The following CCDC91 variants were observed in gnomAD, a reference collection of about 807,000 sequenced individuals.
CCDC91 encodes coiled-coil domain containing 91.
In CCDC91, 48 loss-of-function variants were observed where a neutral mutation model predicts 63.2. The ratio of observed to expected loss-of-function variants is 0.76; its 90% confidence interval spans 0.60 to 0.97. CCDC91 has a LOEUF of 0.97. Ranked by LOEUF, CCDC91 falls within the 50% of genes least tolerant of loss-of-function variation. CCDC91 has a pLI of 0.00. For missense variants in CCDC91, 500 were observed against 494.6 expected (o/e 1.01, Z -0.10); for synonymous variants, 167 against 165.8 (o/e 1.01, Z -0.06).
intron 3 of CCDC91, among the ~76,000 whole-genome samples, chr12:28,288,982 A>C (rs1949062445): frequency 1.3e-5 from 2 of 152,160 alleles, no homozygotes; most frequent in African/African-American, 2.4e-5. Flanking sequence ...AGGTGTTCAT[A>C]ATATTCTCTA....
At chr12:28,409,798 G>A (rs1235296780) in intron 8 of CCDC91, among the ~76,000 whole-genome samples, 1 of 151,540 alleles carries the variant, frequency 6.6e-6, no homozygotes, top group Admixed American at 6.6e-5. Flanking sequence ...TTAACCACTA[G>A]GTTATTTAGA....
chr12:28,289,461 T>G (rs1452909350), intron 3 of CCDC91, among the ~76,000 whole-genome samples: 2 of 152,152 alleles, frequency 1.3e-5, no homozygotes, highest in Admixed American at 6.5e-5. Context: ...CAGGAGCAGG[T>G]TATTCAATTT....
At chr12:28,410,454 T>A (rs1230653019) in intron 8 of CCDC91, among the ~76,000 whole-genome samples, 2 of 152,208 alleles carry the variant, frequency 1.3e-5, no homozygotes, top group African/African-American at 4.8e-5. Flanking sequence ...TATTATTGCA[T>A]CTTGTTTTTT....
intron 3 of CCDC91, among the ~76,000 whole-genome samples, chr12:28,283,637 G>A (rs368807930): frequency 6.6e-5 from 10 of 152,098 alleles, no homozygotes; most frequent in Admixed American, 2.6e-4. Context: ...AGAGTTTTTC[G>A]GATTTTGGAA....
At chr12:28,345,128 C>T (rs1942715027) in intron 6 of CCDC91, among the ~76,000 whole-genome samples, 1 of 152,052 alleles carries the variant, frequency 6.6e-6, no homozygotes, top group Admixed American at 6.6e-5. Flanking sequence ...GGCCCCCTTC[C>T]CATGGTATCT....
At chr12:28,539,762 G>T (rs913532842) in intron 12 of CCDC91, among the ~76,000 whole-genome samples, 7 of 152,038 alleles carry the variant, frequency 4.6e-5, no homozygotes, top group African/African-American at 1.7e-4. Context: ...TAAGAGTACC[G>T]ACAAGGAGGG....
intron 8 of CCDC91, among the ~76,000 whole-genome samples, chr12:28,437,548 C>G (rs1454014100): frequency 6.6e-6 from 1 of 152,150 alleles, no homozygotes; most frequent in East Asian, 1.9e-4. Context: ...ACCTTTACAG[C>G]TAGATTCTTC....
chr12:28,437,060 A>G (rs1481130604), intron 8 of CCDC91, among the ~76,000 whole-genome samples: 1 of 151,588 alleles, frequency 6.6e-6, no homozygotes, highest in African/African-American at 2.4e-5. Context: ...GCCATTTTCT[A>G]CAAAGTTGTT....
intron 1 of CCDC91, among the ~76,000 whole-genome samples, chr12:28,232,391 A>G (rs1413577895): frequency 6.6e-6 from 1 of 152,006 alleles, no homozygotes; most frequent in African/African-American, 2.4e-5. Context: ...TGAATATTGC[A>G]GGTACCATGA....
intron 7 of CCDC91, among the ~76,000 whole-genome samples, chr12:28,369,690 G>T (rs903131005): frequency 6.6e-6 from 1 of 152,194 alleles, no homozygotes; most frequent in Non-Finnish European, 1.5e-5. Context: ...CTCCTCTGTA[G>T]CAAACTTCTG....
intron 6 of CCDC91, among the ~76,000 whole-genome samples, chr12:28,356,205 A>AT (rs1943515106): frequency 1.3e-5 from 2 of 152,244 alleles, no homozygotes; most frequent in Admixed American, 1.3e-4. Flanking sequence ...CTGTTGCATA[A>AT]TGTTGTATCA....
At chr12:28,304,799 A>T in intron 3 of CCDC91, 1 of 386,088 alleles carries the variant, frequency 2.6e-6, no homozygotes, top group Admixed American at 4.2e-5. Flanking sequence ...ACATAATACA[A>T]ACTTATTTGA....
chr12:28,235,657 A>G (rs774982692), intron 1 of CCDC91, among the ~76,000 whole-genome samples: 20 of 152,050 alleles, frequency 1.3e-4, no homozygotes, highest in Admixed American at 3.9e-4. Context: ...TTGAGTTACA[A>G]TCTTCTGGCA....
At chr12:28,489,705 T>C (rs1253429797) in intron 12 of CCDC91, among the ~76,000 whole-genome samples, 2 of 151,936 alleles carry the variant, frequency 1.3e-5, no homozygotes, top group African/African-American at 2.4e-5. Flanking sequence ...CAATTTTCTT[T>C]ACTTCAAAGG....
intron 3 of CCDC91, among the ~76,000 whole-genome samples, chr12:28,277,772 A>G (rs1948344495): frequency 6.6e-6 from 1 of 151,902 alleles, no homozygotes; most frequent in Non-Finnish European, 1.5e-5. Flanking sequence ...AATTCATTCT[A>G]TACATGGTTT....
chr12:28,521,190 A>C (rs896181933), intron 12 of CCDC91, among the ~76,000 whole-genome samples: 9 of 152,212 alleles, frequency 5.9e-5, no homozygotes, highest in South Asian at 2.1e-4. Context: ...GATATTGATT[A>C]TTCCTATCCA....
intron 2 of CCDC91, among the ~76,000 whole-genome samples, chr12:28,257,716 A>T (rs1183240939): frequency 3.9e-5 from 6 of 152,118 alleles, no homozygotes; most frequent in Non-Finnish European, 8.8e-5. Flanking sequence ...AGATTATTCT[A>T]GTAGGTTAGG....
intron 8 of CCDC91, among the ~76,000 whole-genome samples, chr12:28,435,656 G>A (rs1027911335): frequency 4.6e-5 from 7 of 151,776 alleles, no homozygotes; most frequent in South Asian, 2.1e-4. Context: ...TTCAGCTGAG[G>A]TTCTTATGAT....
intron 2 of CCDC91, among the ~76,000 whole-genome samples, 190 bp from the exon 3 acceptor site, chr12:28,259,174 C>T (rs1284430307): frequency 6.6e-6 from 1 of 151,862 alleles, no homozygotes; most frequent in East Asian, 1.9e-4. Context: ...GTTAATAAGG[C>T]ATGGGTACTG....
Sources: allele counts gnomAD v4.1 joint callset (sites outside exome capture counted in the v4.1 genomes callset), GRCh38; gene constraint gnomAD v4.1.1; transcripts MANE v1.5; gene names NCBI Gene and HGNC (gene_info 2026-07-23, HGNC 2026-07-21).